The following USP32 variants were observed in gnomAD, a reference collection of about 807,000 sequenced individuals.
USP32 encodes the protein ubiquitin specific peptidase 32, also known as ubiquitin carboxyl-terminal hydrolase 32.
A neutral mutation model predicts 204.8 loss-of-function variants in USP32; 59 were observed. The ratio of observed to expected loss-of-function variants is 0.29; its 90% confidence interval spans 0.23 to 0.36. The LOEUF is 0.36. USP32 is among the 10% of genes least tolerant of loss of function. The probability of loss-of-function intolerance (pLI) is 1.00; values close to 1 mark genes in which losing one functional copy is unlikely to be tolerated. For missense variants in USP32, 1,160 were observed against 1,946.4 expected, an observed-to-expected ratio of 0.60 and a Z score of 7.60; for synonymous variants, 517 against 678.4, an observed-to-expected ratio of 0.76 and a Z score of 3.70.
At chr17:60,270,962 A>G (rs955139889) in intron 6 of USP32, among the ~76,000 whole-genome samples, 2 of 152,174 alleles carry the variant, frequency 1.3e-5, no homozygotes, top group Non-Finnish European at 2.9e-5. Flanking sequence ...AAAGAAAAAA[A>G]GTAGAGGCAC....
intron 13 of USP32, among the ~76,000 whole-genome samples, chr17:60,225,116 AT>A (rs1239655911): frequency 1.3e-5 from 2 of 152,224 alleles, no homozygotes; most frequent in African/African-American, 4.8e-5. Context: ...TACTGACTAA[AT>A]AATTTAATAG....
intron 1 of USP32, among the ~76,000 whole-genome samples, chr17:60,376,816 T>C (rs1447314598): frequency 6.6e-6 from 1 of 151,960 alleles, no homozygotes; most frequent in African/African-American, 2.4e-5. Flanking sequence ...CCACCACACC[T>C]GGTAAGAATG....
At chr17:60,231,528 C>A (rs1446782176) in intron 12 of USP32, 1 of 512,390 alleles carries the variant, frequency 2.0e-6, no homozygotes, top group Admixed American at 1.9e-5. Flanking sequence ...ATGTCTGAGG[C>A]AGGAAAACAA....
intron 1 of USP32, among the ~76,000 whole-genome samples, chr17:60,354,312 G>T (rs2089019457): frequency 6.6e-6 from 1 of 152,046 alleles, no homozygotes; most frequent in Admixed American, 6.6e-5. Context: ...GACAGCCAAG[G>T]CAGGACCATG....
At chr17:60,282,145 A>G (rs2086982094) in intron 5 of USP32, among the ~76,000 whole-genome samples, 1 of 152,228 alleles carries the variant, frequency 6.6e-6, no homozygotes, top group African/African-American at 2.4e-5. Flanking sequence ...ACGGAAATCA[A>G]TGCGCACATT....
intron 1 of USP32, among the ~76,000 whole-genome samples, chr17:60,357,802 CTT>C (rs1473478891): frequency 1.3e-5 from 2 of 151,732 alleles, no homozygotes; most frequent in African/African-American, 4.8e-5. Flanking sequence ...GAGTTTCACT[CTT>C]GTTGCCCAGG....
intron 12 of USP32, among the ~76,000 whole-genome samples, chr17:60,234,019 G>A (rs2085643612): frequency 6.6e-6 from 1 of 152,048 alleles, no homozygotes; most frequent in Non-Finnish European, 1.5e-5. Flanking sequence ...GTGTGATCAT[G>A]GCTCACTGCA....
upstream of USP32, among the ~76,000 whole-genome samples, chr17:60,393,433 G>T (rs1361657084): frequency 6.6e-6 from 1 of 152,100 alleles, no homozygotes; most frequent in Admixed American, 6.5e-5. Flanking sequence ...GAAACCAAAT[G>T]GGGTGTATAT....
At chr17:60,410,380 C>T (rs2090008548) in intron 1 of USP32, among the ~76,000 whole-genome samples, 1 of 152,140 alleles carries the variant, frequency 6.6e-6, no homozygotes, top group Non-Finnish European at 1.5e-5. Context: ...TTTAAAAACC[C>T]TAGCCTCGGT....
At chr17:60,357,414 CT>C (rs2089105056) in intron 1 of USP32, among the ~76,000 whole-genome samples, 1 of 151,936 alleles carries the variant, frequency 6.6e-6, no homozygotes, top group African/African-American at 2.4e-5. Context: ...GATTGAACCC[CT>C]GCACTCCAGC....
chr17:60,233,769 G>A (rs1258110190), intron 12 of USP32, among the ~76,000 whole-genome samples: 2 of 152,058 alleles, frequency 1.3e-5, no homozygotes, highest in Non-Finnish European at 2.9e-5. Context: ...ATAGTTCCCT[G>A]TCTCTTTATT....
chr17:60,226,254 T>A, intron 12 of USP32, 23 bp from the exon 13 acceptor site: 1 of 1,514,956 alleles, frequency 6.6e-7, no homozygotes, highest in Non-Finnish European at 8.8e-7. Context: ...AATCAGAGAA[T>A]AAGAAGCAAA....
chr17:60,193,132 G>T (rs2145416514), intron 27 of USP32, among the ~76,000 whole-genome samples: 1 of 152,316 alleles, frequency 6.6e-6, no homozygotes, highest in South Asian at 2.1e-4. Context: ...CTCTATCTGG[G>T]CTTACAGAAG....
chr17:60,292,003 T>G (rs112701088), intron 4 of USP32, among the ~76,000 whole-genome samples: 140 of 150,818 alleles, frequency 9.3e-4, no homozygotes, highest in African/African-American at 3.0e-3. Flanking sequence ...AATTTTTTAA[T>G]TCCACAGGAC....
chr17:60,405,962 G>A (rs976803079), intron 1 of USP32, among the ~76,000 whole-genome samples: 3 of 151,928 alleles, frequency 2.0e-5, no homozygotes, highest in African/African-American at 7.3e-5. Flanking sequence ...AGACCAGCCT[G>A]GGAAACATAG....
chr17:60,187,083 A>G (rs1266988040), intron 29 of USP32, among the ~76,000 whole-genome samples: 1 of 152,214 alleles, frequency 6.6e-6, no homozygotes, highest in African/African-American at 2.4e-5. Context: ...AACTTCCTCC[A>G]TGAATTTCCC....
At chr17:60,321,541 C>T (rs1201064802) in intron 2 of USP32, among the ~76,000 whole-genome samples, 2 of 152,146 alleles carry the variant, frequency 1.3e-5, no homozygotes, top group Non-Finnish European at 1.5e-5. Flanking sequence ...AATCAATCAA[C>T]AGGTACCATC....
Position 60,192,914 on chromosome 17 carries a change from A to G in USP32, c.3451T>C (p.Tyr1151His). Residue 1151 changes from tyrosine to histidine, a missense_variant, in exon 28 of 34, where the codon TAT (tyrosine) becomes CAT (histidine). Physicochemically the swap from Tyr to His is moderately conservative, Grantham distance 83. Coordinates refer to ENST00000300896, the MANE Select transcript of USP32 (RefSeq NM_032582.4). The stretch of plus-strand genomic sequence containing the variant: ...ACTCGTAGAGTGAATGGATATTGAT[A>G]GCCCATACTGTCGTCACTGAAACAG... The part of the protein sequence containing the change: ...HAQDCDDSMG[Y>H]QYPFTLRVVQ... 1 of 1,613,932 alleles carries G rather than the reference A, an allele frequency of 6.2e-7. No individual in the cohort carries two copies. Among genetic ancestry groups the G allele is most frequent in the African/African-American group, 1.3e-5 (1 of 75,060 alleles).
At chr17:60,391,776 C>A in intron 1 of USP32, 106 bp downstream of exon 1, 1 of 1,299,244 alleles carries the variant, frequency 7.7e-7, no homozygotes, top group Non-Finnish European at 1.1e-6. Flanking sequence ...CCTTCCGCCT[C>A]AGGCGCCCCA....
Sources: allele counts gnomAD v4.1 joint callset (sites outside exome capture counted in the v4.1 genomes callset), GRCh38; gene constraint gnomAD v4.1.1; transcripts MANE v1.5; gene names NCBI Gene and HGNC (gene_info 2026-07-23, HGNC 2026-07-21).